Variants in CDH11 observed in about 807,000 individuals in gnomAD.
CDH11 encodes cadherin 11.
Under a neutral mutation model 67.8 loss-of-function variants are expected in CDH11, and 11 were observed. That is an observed-to-expected ratio of 0.16 (90% confidence interval 0.10 to 0.27). The LOEUF (loss-of-function observed/expected upper bound fraction) is 0.27. Ranked by LOEUF, CDH11 falls within the 10% of genes least tolerant of loss-of-function variation. The pLI, the probability that CDH11 is intolerant of heterozygous loss-of-function variation, is 1.00. For missense variants in CDH11, 847 were observed against 1,031.2 expected (o/e 0.82, Z 2.45); for synonymous variants, 419 against 400.0 (o/e 1.05, Z -0.57).
chr16:65,043,700 A>G (rs1300666847), intron 2 of CDH11, among the ~76,000 whole-genome samples: 1 of 152,188 alleles, frequency 6.6e-6, no homozygotes, highest in Non-Finnish European at 1.5e-5. Flanking sequence ...TGCAGAAGCA[A>G]TTCTACCCAT....
At chr16:65,050,436 T>C (rs1196808441) in intron 2 of CDH11, among the ~76,000 whole-genome samples, 1 of 152,252 alleles carries the variant, frequency 6.6e-6, no homozygotes, top group Non-Finnish European at 1.5e-5. Context: ...TGCCCTTTCA[T>C]CTCTGCCTGC....
Position 65,096,840 on chromosome 16 carries a change from G to C in CDH11, c.-298+25040C>G, listed in dbSNP as rs1373919035. On this transcript the variant is annotated intron_variant, in intron 1 of 12. Transcript: ENST00000268603. Reference sequence around the variant, plus strand: ...TCAAGGAACTGGAAGAGGCTATTCAGTCTCCTGACAATAGCCAGAAACATG... The same window carrying C: ...TCAAGGAACTGGAAGAGGCTATTCACTCTCCTGACAATAGCCAGAAACATG... Among the ~76,000 whole-genome samples, 4 of 152,184 alleles carry C rather than the reference G, an allele frequency of 2.6e-5. No homozygotes were observed. The East Asian group carries it at 5.8e-4, about 22-fold the overall frequency.
intron 1 of CDH11, among the ~76,000 whole-genome samples, chr16:65,057,078 G>T (rs560012080): frequency 2.0e-5 from 3 of 152,292 alleles, no homozygotes; most frequent in East Asian, 1.9e-4. Flanking sequence ...AATCCAAGTT[G>T]TTCTTTATGC....
At position 65,086,218 on chromosome 16, in the gene CDH11, G is replaced by A. The variant is rs188969318; in HGVS notation, c.-297-32290C>T. 1.2e-3 allele frequency among the ~76,000 whole-genome samples: 177 copies of A among 152,328 alleles called. 1 individual carries two copies. The highest frequency in any genetic ancestry group is 3.8e-3 in the African/African-American group (157 of 41,570). On this transcript the variant is annotated intron_variant, in intron 1 of 12. Coordinates refer to ENST00000268603, the MANE Select transcript of CDH11 (RefSeq NM_001797.4). Reference sequence around the variant, plus strand: ...CTAGCCCTTTACAGAAATTGGTAACGTAGATAATTTAAATACATAGTGGCA... The same window carrying A: ...CTAGCCCTTTACAGAAATTGGTAACATAGATAATTTAAATACATAGTGGCA...
rs115791449 is a variant in CDH11 at position 64,974,795 on chromosome 16, T to A, written c.1254-1755A>T. On this transcript the variant is annotated intron_variant, in intron 8 of 12. Transcript: ENST00000268603. ...GAAGGAGCTCACTATTTAGTTGACA[T>A]GACAACACACATGTGGGAAGAAAGA... Among the ~76,000 whole-genome samples, 812 of 152,286 alleles carry A rather than the reference T, an allele frequency of 5.3e-3. 10 individuals are homozygous for A. Among genetic ancestry groups the A allele is most frequent in the African/African-American group, 0.019 (770 of 41,546 alleles).
intron 2 of CDH11, among the ~76,000 whole-genome samples, chr16:65,008,010 C>G (rs892883688): frequency 6.6e-6 from 1 of 152,124 alleles, no homozygotes; most frequent in African/African-American, 2.4e-5. Context: ...TTGCACCATG[C>G]CAAGTATTAA....
intron 11 of CDH11, among the ~76,000 whole-genome samples, chr16:64,955,171 G>A (rs1032201370): frequency 6.6e-6 from 1 of 152,014 alleles, no homozygotes; most frequent in African/African-American, 2.4e-5. Context: ...GCATGAACCC[G>A]GGAGGCAGAG....
At chr16:65,011,543 CTT>C (rs2073186001) in intron 2 of CDH11, among the ~76,000 whole-genome samples, 1 of 152,110 alleles carries the variant, frequency 6.6e-6, no homozygotes, top group African/African-American at 2.4e-5. Context: ...TTATTTATCT[CTT>C]TAAGTAACTA....
intron 1 of CDH11, among the ~76,000 whole-genome samples, chr16:65,092,624 G>C (rs146903703): frequency 9.2e-5 from 14 of 152,256 alleles, no homozygotes; most frequent in African/African-American, 2.4e-4. Context: ...AAGTGGCCAA[G>C]CCCAGACCAA....
At chr16:65,119,813 G>GT (rs750632257) in intron 1 of CDH11, among the ~76,000 whole-genome samples, 7 of 152,194 alleles carry the variant, frequency 4.6e-5, no homozygotes, top group Non-Finnish European at 8.8e-5. Context: ...TGTTTCAAAA[G>GT]TAAGATGTAA....
chr16:65,070,616 A>C (rs1367016832), intron 1 of CDH11, among the ~76,000 whole-genome samples: 1 of 152,202 alleles, frequency 6.6e-6, no homozygotes, highest in African/African-American at 2.4e-5. Flanking sequence ...ATTAATGTGA[A>C]TTAACAGAAA....
chr16:65,092,998 G>A (rs1162427911), intron 1 of CDH11, among the ~76,000 whole-genome samples: 8 of 147,924 alleles, frequency 5.4e-5, no homozygotes, highest in Middle Eastern at 3.5e-3. Context: ...GTGCAGTGGC[G>A]TGATCTTGGC....
At chr16:64,959,419 G>C (rs2071610942) in intron 11 of CDH11, among the ~76,000 whole-genome samples, 1 of 152,134 alleles carries the variant, frequency 6.6e-6, no homozygotes, top group Non-Finnish European at 1.5e-5. Flanking sequence ...TTAAGACAAA[G>C]AAAACTACCA....
intron 1 of CDH11, among the ~76,000 whole-genome samples, chr16:65,056,591 A>G (rs2074147731): frequency 6.6e-6 from 1 of 152,176 alleles, no homozygotes; most frequent in Non-Finnish European, 1.5e-5. Flanking sequence ...ATCCTTAAGC[A>G]CATATAACCA....
At chr16:65,029,526 C>G (rs1042042796) in intron 2 of CDH11, among the ~76,000 whole-genome samples, 2 of 152,090 alleles carry the variant, frequency 1.3e-5, no homozygotes, top group Non-Finnish European at 2.9e-5. Context: ...GTTTTCCCCC[C>G]AGTGAAGCAA....
rs878989016 is a variant in CDH11, at chr16:64,972,920, G to A, written c.1374C>T (p.Val458=). Residue 458 remains valine (V), a synonymous_variant, in exon 9 of 13, where the codon GTC becomes GTT. Coordinates refer to ENST00000268603, the MANE Select transcript of CDH11 (RefSeq NM_001797.4). ...AATACTTACGGATTTCTGCTGCAAA[G>A]ACAGTGATGTTGAGCCAGGCTGTTT... ...REETAWLNIT[V]FAAEIHNRHQ... 7 of 1,613,786 alleles carry A rather than the reference G, an allele frequency of 4.3e-6. No individual in the cohort carries two copies.
At chr16:65,051,195 C>T (rs1010948497) in intron 2 of CDH11, among the ~76,000 whole-genome samples, 5 of 152,152 alleles carry the variant, frequency 3.3e-5, no homozygotes, top group African/African-American at 7.2e-5. Context: ...ATTCCCTTAA[C>T]AAACATTGAC....
At chr16:64,962,298 C>T (rs2071693538) in intron 11 of CDH11, among the ~76,000 whole-genome samples, 1 of 151,936 alleles carries the variant, frequency 6.6e-6, no homozygotes, top group South Asian at 2.1e-4. Context: ...CCTCTCCATC[C>T]AAATAAAAAA....
intron 1 of CDH11, among the ~76,000 whole-genome samples, chr16:65,063,869 T>C (rs76037228): frequency 3.3e-5 from 5 of 152,196 alleles, no homozygotes; most frequent in East Asian, 3.9e-4. Context: ...AACTTTGTAA[T>C]TGGAATAATC....
Sources: gnomAD v4.1 joint callset for allele counts (sites outside exome capture counted in the v4.1 genomes callset) on GRCh38, gnomAD v4.1.1 for gene constraint, MANE v1.5 for transcripts, NCBI Gene and HGNC (gene_info 2026-07-23, HGNC 2026-07-21) for gene names.